Variants in IFT74 observed in about 807,000 individuals in gnomAD.
IFT74 encodes intraflagellar transport protein 74 homolog.
A neutral mutation model predicts 96.7 loss-of-function variants in IFT74; 92 were observed. That is an observed-to-expected ratio of 0.95 (90% CI 0.80 to 1.13). IFT74 has a LOEUF of 1.13. IFT74 is among the 50% of genes most tolerant of loss of function. The pLI is 0.00. For missense variants in IFT74, 811 were observed against 698.2 expected (o/e 1.16, Z -1.82); for synonymous variants, 223 against 213.2 (o/e 1.05, Z -0.40).
intron 13 of IFT74, among the ~76,000 whole-genome samples, chr9:27,033,912 A>C (rs2131658339): frequency 6.6e-6 from 1 of 152,292 alleles, no homozygotes; most frequent in African/African-American, 2.4e-5. Flanking sequence ...GCTAGCCATA[A>C]GTTTTTTAGT....
intron 18 of IFT74, among the ~76,000 whole-genome samples, chr9:27,057,556 C>G (rs1820221742): frequency 6.6e-6 from 1 of 152,100 alleles, no homozygotes; most frequent in Admixed American, 6.6e-5. Context: ...ACCCTAAATG[C>G]ATTAAAAATT....
upstream of IFT74, among the ~76,000 whole-genome samples, chr9:26,952,333 A>G (rs551498080): frequency 6.6e-6 from 1 of 150,946 alleles, no homozygotes; most frequent in East Asian, 2.0e-4. Flanking sequence ...CTGGAGTGCA[A>G]TGGCGCGATC....
chr9:27,049,040 A>T (rs1355925943), intron 16 of IFT74, among the ~76,000 whole-genome samples: 2 of 151,942 alleles, frequency 1.3e-5, no homozygotes, highest in African/African-American at 4.8e-5. Context: ...TTCACGCAAG[A>T]TCTGGTTGTT....
chr9:27,052,506 T>TA (rs1819971136), intron 16 of IFT74, among the ~76,000 whole-genome samples: 1 of 65,340 alleles, frequency 1.5e-5, no homozygotes, highest in African/African-American at 6.5e-5. Context: ...AAAATCTATC[T>TA]CAAAAAAAAA....
intron 14 of IFT74, among the ~76,000 whole-genome samples, chr9:27,045,711 C>T (rs181492912): frequency 7.9e-5 from 12 of 152,156 alleles, no homozygotes; most frequent in Non-Finnish European, 1.5e-4. Flanking sequence ...TGAATTCTAG[C>T]GAAGTGCTAG....
intron 16 of IFT74, among the ~76,000 whole-genome samples, chr9:27,054,256 C>T (rs1033940008): frequency 5.9e-5 from 9 of 152,140 alleles, no homozygotes; most frequent in Non-Finnish European, 1.2e-4. Flanking sequence ...TACCTCTAGA[C>T]TTTGCACATG....
intron 13 of IFT74, among the ~76,000 whole-genome samples, chr9:27,039,206 AT>A (rs1437981810): frequency 1.3e-5 from 2 of 152,044 alleles, no homozygotes; most frequent in Non-Finnish European, 2.9e-5. Context: ...TAATTTTTAA[AT>A]TTTTTGTAAA....
chr9:26,984,237 T>C lies in IFT74; in HGVS notation c.306-20T>C. ...TCTGGATTAAAAGTATTGCTGACAT[T>C]CTTATTTCTTTTCTAATAGAAGTAA... On this transcript the variant is annotated intron_variant, in intron 4 of 19. Transcript: ENST00000380062. 2 of 1,536,490 alleles carry C rather than the reference T, an allele frequency of 1.3e-6. No individual in the cohort carries two copies. Among genetic ancestry groups the C allele is most frequent in the South Asian group, 2.4e-5 (2 of 81,766 alleles).
chr9:27,013,174 G>C (rs1326647412), intron 10 of IFT74, among the ~76,000 whole-genome samples: 1 of 152,072 alleles, frequency 6.6e-6, no homozygotes, highest in Non-Finnish European at 1.5e-5. Flanking sequence ...TTACAGTTGT[G>C]GAAAACCTCA....
At chr9:26,968,088 A>C (rs1198604645) in intron 2 of IFT74, among the ~76,000 whole-genome samples, 1 of 144,032 alleles carries the variant, frequency 6.9e-6, no homozygotes, top group East Asian at 2.0e-4. Context: ...TTTTTTAATC[A>C]GGATAATACT....
chr9:27,030,650 A>G (rs1830078348), intron 13 of IFT74, among the ~76,000 whole-genome samples: 1 of 152,108 alleles, frequency 6.6e-6, no homozygotes, highest in Non-Finnish European at 1.5e-5. Flanking sequence ...CTCTAATGAA[A>G]GTTATATGGT....
At position 26,957,034 on chromosome 9, in the gene IFT74, T is replaced by C. The variant is rs529494295; in HGVS notation, c.-20+518T>C. On this transcript the variant is annotated intron_variant, in intron 1 of 19. Transcript: ENST00000380062. ...TACAGAAGATGAAATCCTGAGGGGT[T>C]AATTAAGGTGGCAAGATTATGCAGC... 5.3e-5 allele frequency among the ~76,000 whole-genome samples: 8 copies of C among 152,362 alleles called. No individual in the cohort carries two copies. In the South Asian group the frequency reaches 1.4e-3, roughly 28 times the overall value.
intron 10 of IFT74, among the ~76,000 whole-genome samples, chr9:27,012,223 A>T (rs546993266): frequency 9.9e-5 from 15 of 152,216 alleles, no homozygotes; most frequent in African/African-American, 3.4e-4. Flanking sequence ...AATAGCAATT[A>T]AAAAAATTAT....
intron 2 of IFT74, among the ~76,000 whole-genome samples, chr9:26,966,030 A>G (rs541523653): frequency 1.1e-4 from 16 of 152,036 alleles, no homozygotes; most frequent in Non-Finnish European, 1.9e-4. Context: ...GTGTGTGTGT[A>G]TATATATGTA....
chr9:27,041,530 A>G (rs937259112), intron 13 of IFT74, among the ~76,000 whole-genome samples: 3 of 152,164 alleles, frequency 2.0e-5, no homozygotes, highest in African/African-American at 7.2e-5. Flanking sequence ...ATTAAAGGAT[A>G]TCTCCAAAAT....
At position 27,011,901 on chromosome 9, in the gene IFT74, C is replaced by T. The variant is rs1380982344; in HGVS notation, c.727-5C>T. The T allele has an allele frequency of 6.5e-7, 1 of 1,527,084 alleles. No homozygotes were observed. Among genetic ancestry groups the T allele is most frequent in the Admixed American group, 2.1e-5 (1 of 46,964 alleles). The allele number at this position is 1,527,084 out of a possible 1,614,324, so 94.6% of individuals were successfully genotyped here. A position where few individuals can be genotyped will look rare whatever the true frequency, so the allele number is the denominator to read the frequency against. On this transcript the variant is annotated splice_polypyrimidine_tract_variant and splice_region_variant and intron_variant, in intron 9 of 19. Coordinates refer to ENST00000380062, the MANE Select transcript of IFT74 (RefSeq NM_025103.4). ...ATTTATGTTTGCTTTTTTTTTTCCA[C>T]TTAGGAATTAGATACACTTCAACAA... is the stretch of plus-strand genomic sequence containing the variant.
At chr9:27,023,810 A>G (rs1404687259) in intron 12 of IFT74, among the ~76,000 whole-genome samples, 1 of 152,174 alleles carries the variant, frequency 6.6e-6, no homozygotes, top group Non-Finnish European at 1.5e-5. Flanking sequence ...CACATTGGCC[A>G]TAGCCAGCCC....
chr9:26,974,320 A>T (rs781517509), intron 2 of IFT74, among the ~76,000 whole-genome samples: 12 of 152,038 alleles, frequency 7.9e-5, no homozygotes, highest in Non-Finnish European at 1.6e-4. Flanking sequence ...CAATTTTCCA[A>T]TTTTTGTAAC....
intron 4 of IFT74, among the ~76,000 whole-genome samples, chr9:26,981,117 C>T (rs10967640): frequency 0.062 from 9,401 of 152,242 alleles, 337 homozygotes; most frequent in South Asian, 0.13. Context: ...TAATCCCATC[C>T]ATGAGGGCAG....
Sources: gnomAD v4.1 joint callset for allele counts (sites outside exome capture counted in the v4.1 genomes callset) on GRCh38, gnomAD v4.1.1 for gene constraint, MANE v1.5 for transcripts, NCBI Gene and HGNC (gene_info 2026-07-23, HGNC 2026-07-21) for gene names.